The following FER1L6 variants were observed in gnomAD, a reference collection of about 807,000 sequenced individuals.
FER1L6 encodes fer-1-like protein 6.
In FER1L6, 177 loss-of-function variants were observed where a neutral mutation model predicts 219.2. The ratio of observed to expected loss-of-function variants is 0.81; its 90% CI spans 0.71 to 0.91. FER1L6 has a LOEUF of 0.91. FER1L6 is among the 40% of genes least tolerant of loss of function. The pLI is 0.00. For synonymous variants in FER1L6, 768 were observed against 824.3 expected (o/e 0.93, Z 1.17); for missense variants, 2,153 against 2,259.9 (o/e 0.95, Z 0.96).
chr8:123,939,570 T>A (rs1432115906), intron 1 of FER1L6, among the ~76,000 whole-genome samples: 2 of 152,156 alleles, frequency 1.3e-5, no homozygotes, highest in Admixed American at 6.5e-5. Flanking sequence ...CTAGAAAGAA[T>A]CTTCTAAGAA....
At chr8:123,938,254 C>T (rs1318437443) in intron 1 of FER1L6, among the ~76,000 whole-genome samples, 3 of 152,218 alleles carry the variant, frequency 2.0e-5, no homozygotes, top group Non-Finnish European at 4.4e-5. Flanking sequence ...CTCCTTGGTA[C>T]ATGGGAATGC....
intron 18 of FER1L6, among the ~76,000 whole-genome samples, chr8:124,031,672 T>C (rs1487074022): frequency 1.3e-5 from 2 of 152,198 alleles, no homozygotes; most frequent in Admixed American, 1.3e-4. Context: ...GATTCTAGTT[T>C]CTATGGCTAA....
rs925033250 is a variant in FER1L6 at position 124,094,131 on chromosome 8, C to T, written c.4553-765C>T. The stretch of plus-strand genomic sequence containing the variant: ...TGGTAGGAGAGAAATCTAAAGCAAC[C>T]GTGAGAAGACAAAAGACGTCCCTAT... On this transcript the variant is annotated intron_variant, in intron 34 of 40. Transcript: ENST00000522917. 2.0e-5 allele frequency among the ~76,000 whole-genome samples: 3 copies of T among 152,240 alleles called. 1 individual carries two copies. Among genetic ancestry groups the T allele is most frequent in the Middle Eastern group, 6.8e-3 (2 of 294 alleles).
intron 1 of FER1L6, among the ~76,000 whole-genome samples, chr8:123,931,882 G>A (rs1813782234): frequency 6.6e-6 from 1 of 152,146 alleles, no homozygotes; most frequent in Non-Finnish European, 1.5e-5. Flanking sequence ...CAGTGACATG[G>A]AACTAAATAT....
At chr8:124,093,009 A>G (rs1159369479) in intron 34 of FER1L6, among the ~76,000 whole-genome samples, 1 of 152,012 alleles carries the variant, frequency 6.6e-6, no homozygotes, top group African/African-American at 2.4e-5. Context: ...TTTTTAGTAG[A>G]GTCGGGGTTT....
At chr8:123,969,755 A>C (rs995168332) in intron 5 of FER1L6, among the ~76,000 whole-genome samples, 1 of 151,636 alleles carries the variant, frequency 6.6e-6, no homozygotes, top group Non-Finnish European at 1.5e-5. Context: ...AGTCCCAGCT[A>C]CTCAGGAGGC....
chr8:123,891,862 G>C (rs1273590165), intron 1 of FER1L6, among the ~76,000 whole-genome samples: 1 of 152,186 alleles, frequency 6.6e-6, no homozygotes, highest in Non-Finnish European at 1.5e-5. Context: ...TGAGCCCAGA[G>C]ACTATAGCAG....
chr8:123,985,786 G>A (rs568333782), intron 11 of FER1L6: 238 of 277,394 alleles, frequency 8.6e-4, no homozygotes, highest in African/African-American at 4.5e-3. Flanking sequence ...AGAAAGATAC[G>A]CACACCAAGT....
chr8:123,885,211 A>G (rs1182686750), intron 1 of FER1L6, among the ~76,000 whole-genome samples: 1 of 152,156 alleles, frequency 6.6e-6, no homozygotes, highest in Non-Finnish European at 1.5e-5. Flanking sequence ...TGAAGGAATC[A>G]ATTTCTGTTG....
At chr8:124,012,084 C>T (rs771143323) in intron 14 of FER1L6, among the ~76,000 whole-genome samples, 24 of 152,168 alleles carry the variant, frequency 1.6e-4, no homozygotes, top group Non-Finnish European at 2.9e-4. Context: ...TTCTCTCCTA[C>T]TCCCGTGCTC....
At chr8:123,943,617 G>C (rs892266099) in intron 1 of FER1L6, among the ~76,000 whole-genome samples, 2 of 152,168 alleles carry the variant, frequency 1.3e-5, no homozygotes, top group East Asian at 3.9e-4. Flanking sequence ...CCGACCTCCT[G>C]GGGTCCAGGA....
intron 1 of FER1L6, among the ~76,000 whole-genome samples, chr8:123,906,503 T>C (rs982410936): frequency 2.6e-5 from 4 of 152,082 alleles, no homozygotes; most frequent in African/African-American, 7.2e-5. Flanking sequence ...CCATTTAGTA[T>C]AATAAAATGA....
intron 1 of FER1L6, among the ~76,000 whole-genome samples, chr8:123,904,027 T>C (rs1213518971): frequency 1.3e-5 from 2 of 152,156 alleles, no homozygotes; most frequent in Non-Finnish European, 2.9e-5. Flanking sequence ...ACAGAAGACT[T>C]TAAGGCATGG....
At chr8:123,858,292 G>A (rs1046710532) in intron 1 of FER1L6, among the ~76,000 whole-genome samples, 3 of 152,162 alleles carry the variant, frequency 2.0e-5, no homozygotes, top group African/African-American at 7.2e-5. Flanking sequence ...TAGAATATAG[G>A]AGAATATTAT....
Position 124,070,612 on chromosome 8 carries a change from T to G in FER1L6, c.3966+14T>G. ...GGAAAATTTAAGGCAGGTTCCATTT[T>G]TAATCCTTTTATTTGGCTCTCCCTG... is the stretch of plus-strand genomic sequence containing the variant. On this transcript the variant is annotated intron_variant, in intron 30 of 40. Transcript: ENST00000522917. 6.4e-7 allele frequency: 1 copy of G among 1,562,122 alleles called. No individual in the cohort carries two copies. Among genetic ancestry groups the G allele is most frequent in the Non-Finnish European group, 8.6e-7 (1 of 1,158,932 alleles).
intron 1 of FER1L6, among the ~76,000 whole-genome samples, chr8:123,864,886 A>AT (rs1189208283): frequency 2.0e-5 from 3 of 150,356 alleles, no homozygotes; most frequent in Non-Finnish European, 4.4e-5. Flanking sequence ...ATTCTTCTAA[A>AT]TTTTTTTCAA....
chr8:123,897,030 A>T (rs1419884979), intron 1 of FER1L6, among the ~76,000 whole-genome samples: 1 of 152,116 alleles, frequency 6.6e-6, no homozygotes, highest in East Asian at 1.9e-4. Context: ...GAAATTCTTT[A>T]TTTGGTCACC....
chr8:124,023,720 T>TAGAAC, intron 18 of FER1L6, 124 bp downstream of exon 18: 1 of 967,670 alleles, frequency 1.0e-6, no homozygotes. Flanking sequence ...GGAGGACAAC[T>TAGAAC]AGAACACCTT....
At chr8:124,081,658 C>T (rs1407130256) in intron 32 of FER1L6, among the ~76,000 whole-genome samples, 2 of 145,822 alleles carry the variant, frequency 1.4e-5, no homozygotes, top group South Asian at 4.4e-4. Context: ...GGCTCATAGT[C>T]TTGTAGAGAC....
Sources: allele counts gnomAD v4.1 joint callset (sites outside exome capture counted in the v4.1 genomes callset), GRCh38; gene constraint gnomAD v4.1.1; transcripts MANE v1.5; gene names NCBI Gene and HGNC (gene_info 2026-07-23, HGNC 2026-07-21).